The following LIMS1 variants were observed in gnomAD, a reference collection of about 807,000 sequenced individuals.
The protein encoded by LIMS1 is LIM and senescent cell antigen-like-containing domain protein 1.
LIMS1 carries 18 observed loss-of-function variants against 44.1 expected under a neutral mutation model. The observed-to-expected ratio is 0.41, with a 90% CI of 0.28 to 0.61. The LOEUF (loss-of-function observed/expected upper bound fraction) is 0.61, where lower values mean the gene tolerates loss of function less well. LIMS1 is among the 20% of genes least tolerant of loss of function. The pLI, the probability that LIMS1 is intolerant of heterozygous loss-of-function variation, is 0.32. For synonymous variants in LIMS1, 93 were observed against 149.1 expected, an observed-to-expected ratio of 0.62 and a Z score of 2.74; for missense variants, 201 against 422.0, an observed-to-expected ratio of 0.48 and a Z score of 4.59.
rs953530153 is a variant in LIMS1, at chr2:108,568,524, G to C, written c.32+33930G>C. On this transcript the variant is annotated intron_variant, in intron 1 of 9. Transcript: ENST00000544547. Reference sequence around the variant, plus strand: ...AATACCTCTTCAATACCCTGCTTTAGATTGTTCTGGATATTTACTCAGAAG... The same window carrying C: ...AATACCTCTTCAATACCCTGCTTTACATTGTTCTGGATATTTACTCAGAAG... 3.9e-5 allele frequency among the ~76,000 whole-genome samples: 6 copies of C among 152,280 alleles called. No individual in the cohort carries two copies. The South Asian group carries it at 1.0e-3, about 26-fold the overall frequency.
chr2:108,540,193 CTTTT>C (rs34386092), intron 1 of LIMS1, among the ~76,000 whole-genome samples: 6 of 93,314 alleles, frequency 6.4e-5, no homozygotes, highest in Non-Finnish European at 1.2e-4. Context: ...GTACAGATTC[CTTTT>C]TTTTTTTTTT....
chr2:108,590,487 C>T lies in LIMS1; in HGVS notation c.32+55893C>T, dbSNP rs77203980. On this transcript the variant is annotated intron_variant, in intron 1 of 9. Transcript: ENST00000544547. ...ATAAAATATTCTGAATGAACATAAA[C>T]ACTTGGTGGTAGTTTAAAAAATATA... Among the ~76,000 whole-genome samples, 27 of 152,290 alleles carry T rather than the reference C, an allele frequency of 1.8e-4. 2 individuals carry two copies. The East Asian group carries it at 5.0e-3, about 28-fold the overall frequency.
intron 1 of LIMS1, among the ~76,000 whole-genome samples, chr2:108,647,017 G>A (rs186872058): frequency 7.6e-4 from 115 of 152,034 alleles, no homozygotes; most frequent in African/African-American, 2.6e-3. Context: ...CACCGCGCCC[G>A]GCCCAGGAGC....
At chr2:108,675,878 G>A (rs779380977) in exon 6 of LIMS1, 19 of 1,613,826 alleles carry the variant, frequency 1.2e-5, no homozygotes, top group Non-Finnish European at 1.4e-5. Flanking sequence ...TCACGGACAG[G>A]AAGGAGCTGA....
intron 1 of LIMS1, among the ~76,000 whole-genome samples, chr2:108,605,621 C>T (rs1379706143): frequency 6.6e-6 from 1 of 152,178 alleles, no homozygotes; most frequent in African/African-American, 2.4e-5. Flanking sequence ...CATGGCTTCA[C>T]ATAAGCAGAA....
chr2:108,619,268 TG>T (rs1291551312), intron 1 of LIMS1, among the ~76,000 whole-genome samples: 5 of 152,330 alleles, frequency 3.3e-5, no homozygotes, highest in African/African-American at 9.6e-5. Context: ...GTATTTACAA[TG>T]AATATACAAT....
intron 1 of LIMS1, among the ~76,000 whole-genome samples, chr2:108,612,281 A>G (rs575338870): frequency 6.6e-6 from 1 of 152,096 alleles, no homozygotes; most frequent in Admixed American, 6.6e-5. Context: ...TGAGCTCTAA[A>G]GTGTGTTTGT....
intron 1 of LIMS1, among the ~76,000 whole-genome samples, chr2:108,535,124 C>CT (rs1684083770): frequency 6.6e-6 from 1 of 152,214 alleles, no homozygotes; most frequent in Non-Finnish European, 1.5e-5. Flanking sequence ...GACTGGCGTC[C>CT]TTTACAGTTT....
chr2:108,533,939 G>C (rs914694837), upstream of LIMS1: 2 of 152,916 alleles, frequency 1.3e-5, no homozygotes, highest in Non-Finnish European at 2.9e-5. Flanking sequence ...TTACCACAGA[G>C]CCCCCTCAGG....
At chr2:108,583,621 A>C (rs1050504098) in intron 1 of LIMS1, among the ~76,000 whole-genome samples, 3 of 152,132 alleles carry the variant, frequency 2.0e-5, no homozygotes, top group African/African-American at 7.2e-5. Context: ...GCATTGAACA[A>C]ATTTTTTAAA....
At chr2:108,667,907 T>TA (rs1295127810) in intron 2 of LIMS1, among the ~76,000 whole-genome samples, 2 of 152,242 alleles carry the variant, frequency 1.3e-5, no homozygotes, top group Admixed American at 6.5e-5. Flanking sequence ...ACATAGTTGT[T>TA]ACACTGTGTT....
chr2:108,671,786 A>G (rs2148996776), intron 3 of LIMS1, among the ~76,000 whole-genome samples: 1 of 152,352 alleles, frequency 6.6e-6, no homozygotes, highest in African/African-American at 2.4e-5. Context: ...TTCAGAGATG[A>G]CACAAAACAG....
chr2:108,652,544 G>T (rs1412376457), intron 1 of LIMS1, among the ~76,000 whole-genome samples: 1 of 152,262 alleles, frequency 6.6e-6, no homozygotes, highest in African/African-American at 2.4e-5. Context: ...GTGTGCAGAG[G>T]TATGTGATGG....
chr2:108,567,287 G>A (rs184164425), intron 1 of LIMS1, among the ~76,000 whole-genome samples: 13 of 152,160 alleles, frequency 8.5e-5, no homozygotes, highest in African/African-American at 2.6e-4. Flanking sequence ...TAAAATCGTC[G>A]CAGTGTGAGT....
At chr2:108,670,162 G>A (rs1045017731) in intron 2 of LIMS1, among the ~76,000 whole-genome samples, 2 of 131,400 alleles carry the variant, frequency 1.5e-5, no homozygotes, top group Non-Finnish European at 3.5e-5. Flanking sequence ...GCTGTTAAGA[G>A]AATGTTTTTT....
Position 108,637,094 on chromosome 2 carries a change from CATAT to C in LIMS1, c.33-22508_33-22505del, listed in dbSNP as rs753091590. ...ACCTTTTTAAATTCAGCAAAATATACATATATGTGTGTGTGTGTGTGTGTGTGTG... is the reference window on the plus strand; with the variant it reads ...ACCTTTTTAAATTCAGCAAAATATACATGTGTGTGTGTGTGTGTGTGTGTG... On this transcript the variant is annotated intron_variant, in intron 1 of 9. Coordinates refer to ENST00000544547, the Ensembl canonical transcript of LIMS1. 2.2e-4 allele frequency among the ~76,000 whole-genome samples: 20 copies of C among 92,258 alleles called. No homozygotes were observed. The East Asian group carries it at 2.9e-3, about 13-fold the overall frequency. 60.5% of individuals were successfully genotyped at this position (92,258 alleles called of 152,430 possible).
At chr2:108,622,757 A>G (rs955435965) in intron 1 of LIMS1, among the ~76,000 whole-genome samples, 4 of 152,286 alleles carry the variant, frequency 2.6e-5, no homozygotes, top group South Asian at 2.1e-4. Context: ...CCAGTCTACA[A>G]TGGATCCAAG....
chr2:108,589,448 T>A (rs1686269455), intron 1 of LIMS1, among the ~76,000 whole-genome samples: 1 of 152,178 alleles, frequency 6.6e-6, no homozygotes, highest in Admixed American at 6.5e-5. Flanking sequence ...TTCCTAATTT[T>A]GTACCTGTTG....
At chr2:108,637,221 G>A (rs569449099) in intron 1 of LIMS1, among the ~76,000 whole-genome samples, 2 of 150,032 alleles carry the variant, frequency 1.3e-5, no homozygotes, top group African/African-American at 2.4e-5. Context: ...CACAAAACAT[G>A]TTCTGTGTCA....
Sources: allele counts gnomAD v4.1 joint callset (sites outside exome capture counted in the v4.1 genomes callset), GRCh38; gene constraint gnomAD v4.1.1; transcripts MANE v1.5; gene names NCBI Gene and HGNC (gene_info 2026-07-23, HGNC 2026-07-21).